The following EPS15 variants were observed in gnomAD, a reference collection of about 807,000 sequenced individuals.
EPS15 encodes the protein epidermal growth factor receptor pathway substrate 15, also known as epidermal growth factor receptor substrate 15.
A neutral mutation model predicts 113.8 loss-of-function variants in EPS15; 72 were observed. That is an observed-to-expected ratio of 0.63 (90% CI 0.52 to 0.77). The LOEUF is 0.77. Among genes scored for constraint, EPS15 ranks in the 30% least tolerant of loss-of-function variants. The pLI is 0.00. For synonymous variants in EPS15, 344 were observed against 363.4 expected, an observed-to-expected ratio of 0.95 and a Z score of 0.61; for missense variants, 1,048 against 1,045.8, an observed-to-expected ratio of 1.00 and a Z score of -0.03.
chr1:51,512,353 T>C (rs1644635931), intron 1 of EPS15, among the ~76,000 whole-genome samples: 2 of 152,288 alleles, frequency 1.3e-5, no homozygotes, highest in Non-Finnish European at 2.9e-5. Flanking sequence ...GCAGAACAGG[T>C]GTGCTCTTGC....
At chr1:51,411,617 T>C (rs1042645994) in intron 13 of EPS15, among the ~76,000 whole-genome samples, 1 of 152,226 alleles carries the variant, frequency 6.6e-6, no homozygotes, top group African/African-American at 2.4e-5. Context: ...CCCTTCTAAA[T>C]TGAATTTTTC....
chr1:51,493,459 A>G (rs1644273545), intron 1 of EPS15, among the ~76,000 whole-genome samples: 1 of 150,250 alleles, frequency 6.7e-6, no homozygotes, highest in Non-Finnish European at 1.5e-5. Context: ...CAGGAGGCGG[A>G]GCTTGCAGTG....
intron 1 of EPS15, among the ~76,000 whole-genome samples, chr1:51,509,163 T>G (rs1354209997): frequency 6.6e-6 from 1 of 152,098 alleles, no homozygotes; most frequent in Non-Finnish European, 1.5e-5. Flanking sequence ...ACTAGAGTAG[T>G]GACACACAGG....
intron 21 of EPS15, among the ~76,000 whole-genome samples, chr1:51,377,974 C>T (rs1557779797): frequency 6.6e-6 from 1 of 151,128 alleles, no homozygotes; most frequent in Non-Finnish European, 1.5e-5. Flanking sequence ...CAGCTCACTG[C>T]AACCTCAGCC....
At position 51,354,848 on chromosome 1, in the gene EPS15, G is replaced by C. The variant is rs1380658042; in HGVS notation, c.*1852C>G. 1.5e-5 allele frequency: 3 copies of C among 202,184 alleles called. No individual in the cohort carries two copies. Among genetic ancestry groups the C allele is most frequent in the Non-Finnish European group, 2.0e-5 (2 of 98,042 alleles). The allele number at this position is 202,184 out of a possible 1,614,324, so 12.5% of individuals were successfully genotyped here. A position where few individuals can be genotyped will look rare whatever the true frequency, so the allele number is the denominator to read the frequency against. The stretch of plus-strand genomic sequence containing the variant: ...TGAAAGTTGGTGTTTATAAGTTATA[G>C]ATATTTAATATTTGAGTTTAATTGA... On this transcript the variant is annotated 3_prime_UTR_variant, in exon 25 of 25. Transcript: ENST00000371733.
chr1:51,476,205 T>C (rs1643898261), intron 2 of EPS15, among the ~76,000 whole-genome samples: 1 of 152,232 alleles, frequency 6.6e-6, no homozygotes, highest in South Asian at 2.1e-4. Flanking sequence ...TGGTTCCATA[T>C]GAACTTTAAA....
At chr1:51,459,020 A>C (rs942733749) in intron 8 of EPS15, 4 of 152,230 alleles carry the variant, frequency 2.6e-5, no homozygotes, top group Admixed American at 6.6e-5. Context: ...TATTCAAATT[A>C]AAATTAAAAA....
intron 21 of EPS15, among the ~76,000 whole-genome samples, chr1:51,369,650 A>G (rs555485963): frequency 4.7e-4 from 71 of 152,242 alleles, no homozygotes; most frequent in African/African-American, 1.6e-3. Context: ...TTTTTCTTAC[A>G]TATTTGAGAT....
At chr1:51,377,064 C>T (rs1207553842) in intron 21 of EPS15, among the ~76,000 whole-genome samples, 4 of 152,028 alleles carry the variant, frequency 2.6e-5, no homozygotes, top group Admixed American at 1.3e-4. Context: ...GTCAGCAGTT[C>T]GAGACCAGCC....
At position 51,451,257 on chromosome 1, in the gene EPS15, G is replaced by A. The variant is rs191921912; in HGVS notation, c.562-3122C>T. Among the ~76,000 whole-genome samples, 169 of 151,968 alleles carry A rather than the reference G, an allele frequency of 1.1e-3. 5 individuals carry two copies. The highest frequency in any genetic ancestry group is 4.0e-3 in the African/African-American group (167 of 41,294). ...TAATCCTAGCACTTTGGGAGGCTGA[G>A]GTGGGTGGATCACCTGAGGTCAGGA... is the stretch of plus-strand genomic sequence containing the variant. On this transcript the variant is annotated intron_variant, in intron 8 of 24. Transcript: ENST00000371733.
At chr1:51,462,870 A>ATTTT (rs34320767) in intron 7 of EPS15, among the ~76,000 whole-genome samples, 19 of 111,072 alleles carry the variant, frequency 1.7e-4, no homozygotes, top group East Asian at 2.3e-4. Flanking sequence ...AAAAAGTCAG[A>ATTTT]TTTTTTTTTT....
Position 51,450,764 on chromosome 1 carries a change from T to C in EPS15, c.562-2629A>G, listed in dbSNP as rs528297705. On this transcript the variant is annotated intron_variant, in intron 8 of 24. Transcript: ENST00000371733. The stretch of plus-strand genomic sequence containing the variant: ...TGAAATGCTGTATGAAAAAGATTAA[T>C]TGCAGCACCGTTTGTATCAGCACCC... Among the ~76,000 whole-genome samples the C allele has an allele frequency of 3.9e-5, 6 of 151,988 alleles. No individual in the cohort carries two copies. In the South Asian group the frequency reaches 6.2e-4, roughly 16 times the overall value.
rs758473221 is a variant in EPS15 at position 51,403,458 on chromosome 1, T to C, written c.1752A>G (p.Lys584=). 6.2e-6 allele frequency: 10 copies of C among 1,611,562 alleles called. No homozygotes were observed. Among genetic ancestry groups the C allele is most frequent in the Non-Finnish European group, 7.6e-6 (9 of 1,178,430 alleles). ...TATTATTGTCGAGTTCAGAACAAAC[T>C]TTTTCAGTAACAGCTGTAGTCACCT... The part of the protein sequence containing the change: ...ENEVTTAVTE[K]VCSELDNNRH... The change falls in exon 17 of 25, where the codon AAA becomes AAG. Residue 584 remains lysine, a synonymous_variant. Transcript: ENST00000371733.
intron 21 of EPS15, among the ~76,000 whole-genome samples, chr1:51,376,722 C>CTGA (rs1434416188): frequency 1.1e-4 from 17 of 152,290 alleles, no homozygotes; most frequent in Admixed American, 1.0e-3. Flanking sequence ...ACCTAAGTCA[C>CTGA]CCAGAGCTCT....
At chr1:51,363,682 T>C (rs1646440249) in intron 23 of EPS15, among the ~76,000 whole-genome samples, 184 bp downstream of exon 23, 1 of 152,254 alleles carries the variant, frequency 6.6e-6, no homozygotes, top group African/African-American at 2.4e-5. Flanking sequence ...AATTTATACA[T>C]GCTGACTTCT....
intron 1 of EPS15, among the ~76,000 whole-genome samples, chr1:51,492,130 T>C (rs1484554901): frequency 1.3e-5 from 2 of 152,186 alleles, no homozygotes; most frequent in Non-Finnish European, 2.9e-5. Flanking sequence ...ATTACAGGCA[T>C]GAGCCGCTGT....
At chr1:51,465,782 T>C (rs1654800710) in intron 5 of EPS15, among the ~76,000 whole-genome samples, 2 of 152,076 alleles carry the variant, frequency 1.3e-5, no homozygotes, top group Non-Finnish European at 2.9e-5. Context: ...AATCCCTAAA[T>C]TAACCTTCTG....
chr1:51,448,173 G>A (rs762789517), intron 8 of EPS15, 38 bp from the exon 9 acceptor site: 2 of 1,241,214 alleles, frequency 1.6e-6, no homozygotes, highest in African/African-American at 3.0e-5. Context: ...TATATTAAAA[G>A]CACTTAACAT....
At chr1:51,487,111 T>C (rs78715030) in intron 1 of EPS15, among the ~76,000 whole-genome samples, 3,333 of 152,330 alleles carry the variant, frequency 0.022, 30 homozygotes, top group Middle Eastern at 0.034. Context: ...GCATCAACTG[T>C]AGAAGTTAAC....
Sources: gnomAD v4.1 joint callset for allele counts (sites outside exome capture counted in the v4.1 genomes callset) on GRCh38, gnomAD v4.1.1 for gene constraint, MANE v1.5 for transcripts, NCBI Gene and HGNC (gene_info 2026-07-23, HGNC 2026-07-21) for gene names.